The following FAM163A variants were observed in gnomAD, a reference collection of about 807,000 sequenced individuals.
The protein encoded by FAM163A is family with sequence similarity 163 member A, also known as protein FAM163A.
Under a neutral mutation model 12.0 loss-of-function variants are expected in FAM163A, and 7 were observed. That is an observed-to-expected ratio of 0.58 (90% CI 0.33 to 1.10). The LOEUF (loss-of-function observed/expected upper bound fraction) is 1.10, where lower values mean the gene tolerates loss of function less well. Among genes scored for constraint, FAM163A ranks in the 50% least tolerant of loss-of-function variants. The probability of loss-of-function intolerance (pLI) is 0.03; values close to 1 mark genes in which losing one functional copy is unlikely to be tolerated. For synonymous variants in FAM163A, 101 were observed against 91.0 expected (o/e 1.11, Z -0.62); for missense variants, 202 against 218.6 (o/e 0.92, Z 0.48).
chr1:179,732,864 G>T, the FAM163A span, among the ~76,000 whole-genome samples: 1 of 118,876 alleles, frequency 8.4e-6, no homozygotes. Flanking sequence ...CTGGGCAACA[G>T]AGTGAGACTC....
intron 1 of FAM163A, among the ~76,000 whole-genome samples, chr1:179,802,533 C>T (rs1308126128): frequency 6.6e-6 from 1 of 152,204 alleles, no homozygotes; most frequent in Non-Finnish European, 1.5e-5. Flanking sequence ...GCAACGGTAA[C>T]AAACATCTTC....
At chr1:179,762,542 C>T (rs776991827) in intron 1 of FAM163A, among the ~76,000 whole-genome samples, 3 of 152,160 alleles carry the variant, frequency 2.0e-5, no homozygotes, top group Non-Finnish European at 4.4e-5. Flanking sequence ...GAAGGAGGCC[C>T]AAATGGCACA....
rs772057032 is a variant in FAM163A, at chr1:179,814,216, A to AC, written c.*30dup. The AC allele has an allele frequency of 6.7e-5, 106 of 1,570,776 alleles. No individual in the cohort carries two copies. In the African/African-American group the frequency reaches 1.3e-3, roughly 20 times the overall value. On this transcript the variant is annotated 3_prime_UTR_variant, in exon 5 of 5. Transcript: ENST00000341785. Reference sequence around the variant, plus strand: ...TCCTTCCACCCCGACCCGCACACACACCCACACTGCTGCCCTGGCGGGGGC... The same window carrying AC: ...TCCTTCCACCCCGACCCGCACACACACCCCACACTGCTGCCCTGGCGGGGGC...
intron 1 of FAM163A, among the ~76,000 whole-genome samples, chr1:179,781,395 T>C (rs1258610786): frequency 6.6e-6 from 1 of 152,040 alleles, no homozygotes; most frequent in Non-Finnish European, 1.5e-5. Context: ...TTCTCCCACA[T>C]CTAGCTGCAG....
intron 1 of FAM163A, among the ~76,000 whole-genome samples, chr1:179,792,733 C>T (rs1159348189): frequency 1.3e-5 from 2 of 152,078 alleles, no homozygotes; most frequent in South Asian, 2.1e-4. Flanking sequence ...CATACTAAAA[C>T]ACCCCTACCA....
chr1:179,737,819 A>G, the FAM163A span, among the ~76,000 whole-genome samples: 1,384 of 150,938 alleles, frequency 9.2e-3, 13 homozygotes, highest in African/African-American at 0.032. Flanking sequence ...TGGGCAACAC[A>G]GTGAGACTCT....
At chr1:179,739,298 A>G (rs1683357004), upstream of FAM163A, among the ~76,000 whole-genome samples, 2 of 152,194 alleles carry the variant, frequency 1.3e-5, no homozygotes, top group African/African-American at 4.8e-5. Flanking sequence ...TCCATAATAG[A>G]AAAAATAGTA....
In FAM163A at chr1:179,774,232, G is replaced by A. The variant is rs562816237; in HGVS notation, c.-136+30809G>A. On this transcript the variant is annotated intron_variant, in intron 1 of 4. Transcript: ENST00000341785. ...AGGCTTTCCCACAACAGCTCTCTGA[G>A]ACTCTCGGTTGCCCTGAGGAGGGAC... Among the ~76,000 whole-genome samples the A allele has an allele frequency of 2.6e-5, 4 of 152,342 alleles. No individual in the cohort carries two copies. The East Asian group carries it at 5.8e-4, about 22-fold the overall frequency.
chr1:179,755,689 C>T (rs1259886022), intron 1 of FAM163A, among the ~76,000 whole-genome samples: 9 of 152,112 alleles, frequency 5.9e-5, no homozygotes, highest in Non-Finnish European at 1.3e-4. Flanking sequence ...TCTTATTTCC[C>T]AGGGGAAGCA....
intron 1 of FAM163A, among the ~76,000 whole-genome samples, chr1:179,807,151 T>C (rs1257738404): frequency 6.6e-6 from 1 of 150,780 alleles, no homozygotes; most frequent in African/African-American, 2.4e-5. Flanking sequence ...AATAAACAAA[T>C]GAAACAATGT....
At chr1:179,808,069 C>T (rs1271730669) in intron 2 of FAM163A, among the ~76,000 whole-genome samples, 181 bp downstream of exon 2, 1 of 152,214 alleles carries the variant, frequency 6.6e-6, no homozygotes, top group Non-Finnish European at 1.5e-5. Context: ...CTGAGTCATT[C>T]TGCCCTAGAC....
chr1:179,755,707 CA>C (rs1557899273), intron 1 of FAM163A, among the ~76,000 whole-genome samples: 2 of 152,154 alleles, frequency 1.3e-5, no homozygotes, highest in African/African-American at 4.8e-5. Context: ...GCAACCACCA[CA>C]AAACAGGTAG....
At chr1:179,768,582 T>C (rs984669437) in intron 1 of FAM163A, among the ~76,000 whole-genome samples, 1 of 152,018 alleles carries the variant, frequency 6.6e-6, no homozygotes, top group Non-Finnish European at 1.5e-5. Flanking sequence ...TTTGGTGTGG[T>C]CAAGTGTCTT....
Position 179,814,228 on chromosome 1 carries a change from G to A in FAM163A, c.*39G>A, listed in dbSNP as rs1233958297. On this transcript the variant is annotated 3_prime_UTR_variant, in exon 5 of 5. Coordinates refer to ENST00000341785, the MANE Select transcript of FAM163A (RefSeq NM_173509.3). ...GACCCGCACACACACCCACACTGCT[G>A]CCCTGGCGGGGGCCATGGGGGTGAT... 6.4e-7 allele frequency: 1 copy of A among 1,553,772 alleles called. No individual in the cohort carries two copies. The highest frequency in any genetic ancestry group is 1.9e-5 in the Admixed American group (1 of 52,836).
At chr1:179,762,721 C>T (rs1686977163) in intron 1 of FAM163A, among the ~76,000 whole-genome samples, 1 of 152,194 alleles carries the variant, frequency 6.6e-6, no homozygotes, top group African/African-American at 2.4e-5. Context: ...TAGTCATCCT[C>T]CTTGCTGTGC....
At chr1:179,778,153 A>G (rs190296658) in intron 1 of FAM163A, among the ~76,000 whole-genome samples, 10 of 152,348 alleles carry the variant, frequency 6.6e-5, no homozygotes, top group Non-Finnish European at 1.5e-5. Context: ...AGATGTAACA[A>G]ATCATTTTCC....
chr1:179,801,409 C>T (rs1693156850), intron 1 of FAM163A, among the ~76,000 whole-genome samples: 2 of 152,150 alleles, frequency 1.3e-5, no homozygotes, highest in Non-Finnish European at 2.9e-5. Context: ...CACAGCCAGA[C>T]TCACCCAGGG....
intron 1 of FAM163A, among the ~76,000 whole-genome samples, chr1:179,799,747 G>T (rs1692894455): frequency 1.3e-5 from 2 of 152,308 alleles, no homozygotes; most frequent in South Asian, 4.1e-4. Context: ...CTCAGCACTG[G>T]CCTCTCTGAA....
chr1:179,776,661 G>A (rs148654051), intron 1 of FAM163A, among the ~76,000 whole-genome samples: 12 of 152,256 alleles, frequency 7.9e-5, no homozygotes, highest in Non-Finnish European at 8.8e-5. Flanking sequence ...CTGCCTGGTC[G>A]ACTGTCAAAT....
Sources: gnomAD v4.1 joint callset for allele counts (sites outside exome capture counted in the v4.1 genomes callset) on GRCh38, gnomAD v4.1.1 for gene constraint, MANE v1.5 for transcripts, NCBI Gene and HGNC (gene_info 2026-07-23, HGNC 2026-07-21) for gene names.